The following PRKN variants were observed in gnomAD, a reference collection of about 807,000 sequenced individuals.
PRKN encodes the protein E3 ubiquitin-protein ligase parkin.
A neutral mutation model predicts 59.5 loss-of-function variants in PRKN; 56 were observed. That is an observed-to-expected ratio of 0.94 (90% CI 0.76 to 1.18). The LOEUF (loss-of-function observed/expected upper bound fraction) is 1.18, where lower values mean the gene tolerates loss of function less well. Among genes scored for constraint, PRKN ranks in the 50% most tolerant of loss-of-function variants. PRKN has a pLI of 0.00. For missense variants in PRKN, 657 were observed against 596.4 expected, an observed-to-expected ratio of 1.10 and a Z score of -1.06; for synonymous variants, 250 against 222.1, an observed-to-expected ratio of 1.13 and a Z score of -1.12.
chr6:161,383,099 C>T (rs769047577), intron 10 of PRKN, among the ~76,000 whole-genome samples: 4 of 152,200 alleles, frequency 2.6e-5, no homozygotes, highest in Non-Finnish European at 5.9e-5. Flanking sequence ...TGCAATTGGG[C>T]TTTCATTGTG....
chr6:161,601,828 C>T (rs1782117984), intron 7 of PRKN, among the ~76,000 whole-genome samples: 1 of 152,084 alleles, frequency 6.6e-6, no homozygotes, highest in Non-Finnish European at 1.5e-5. Context: ...GTGATCCGCC[C>T]ACCTCGGCCT....
intron 9 of PRKN, among the ~76,000 whole-genome samples, chr6:161,404,693 T>C (rs1199093861): frequency 3.3e-5 from 5 of 152,212 alleles, no homozygotes; most frequent in Non-Finnish European, 7.3e-5. Context: ...GGAAAATTTA[T>C]CATGGTGTAT....
intron 5 of PRKN, among the ~76,000 whole-genome samples, chr6:162,041,687 G>A (rs1784074126): frequency 6.6e-6 from 1 of 152,310 alleles, no homozygotes; most frequent in East Asian, 1.9e-4. Context: ...CTAACCCATA[G>A]TTCTCAGTAT....
chr6:161,402,796 G>T lies in PRKN; in HGVS notation c.1084-15919C>A, dbSNP rs1228019635. ...GAGAGGAATTGTATGGTGAATAAAG[G>T]TTGTCTTATTATGTAGATAAACAAT... On this transcript the variant is annotated intron_variant, in intron 9 of 11. Transcript: ENST00000366898. The surrounding 1 kb of genome is among the most constrained non-coding windows in gnomAD (Gnocchi z 4.5). Among the ~76,000 whole-genome samples, 2 of 152,020 alleles carry T rather than the reference G, an allele frequency of 1.3e-5. No individual in the cohort carries two copies. Among genetic ancestry groups the T allele is most frequent in the Non-Finnish European group, 2.9e-5 (2 of 68,000 alleles).
chr6:161,621,922 C>T (rs1782916595), intron 7 of PRKN, among the ~76,000 whole-genome samples: 2 of 152,166 alleles, frequency 1.3e-5, no homozygotes, highest in South Asian at 4.1e-4. Context: ...AAAAAAGTCA[C>T]TTCTTAATTT....
rs552299718 is a variant in PRKN at position 162,275,834 on chromosome 6, C to T, written c.172-13069G>A. 1.3e-4 allele frequency among the ~76,000 whole-genome samples: 19 copies of T among 151,776 alleles called. No individual in the cohort carries two copies. In the South Asian group the frequency reaches 3.8e-3, roughly 30 times the overall value. On this transcript the variant is annotated intron_variant, in intron 2 of 11. Transcript: ENST00000366898. ...ACACACACATATTAATGATGTCCAT[C>T]GATTGTACTTATTATTTTGATTGGT...
intron 6 of PRKN, among the ~76,000 whole-genome samples, chr6:161,915,317 T>C (rs1271194467): frequency 6.6e-6 from 1 of 152,090 alleles, no homozygotes; most frequent in Non-Finnish European, 1.5e-5. Context: ...TCTTTTCAAG[T>C]TTATCGATTA....
chr6:162,473,742 C>T (rs62430741), intron 1 of PRKN, among the ~76,000 whole-genome samples: 15 of 152,024 alleles, frequency 9.9e-5, no homozygotes, highest in Admixed American at 4.6e-4. Flanking sequence ...ATGTGGCTAA[C>T]GGCTACTATA....
chr6:161,359,670 T>C lies in PRKN; in HGVS notation c.1285+418A>G, dbSNP rs1784901451. Among the ~76,000 whole-genome samples, 1 of 152,114 alleles carries C rather than the reference T, an allele frequency of 6.6e-6. No individual in the cohort carries two copies. The highest frequency in any genetic ancestry group is 1.5e-5 in the Non-Finnish European group (1 of 68,014). Reference sequence around the variant, plus strand: ...TAGACGAGGGTTTAATTTTGAATAATGTTGCAAAGCTGGGGAAGGCTACAG... The same window carrying C: ...TAGACGAGGGTTTAATTTTGAATAACGTTGCAAAGCTGGGGAAGGCTACAG... On this transcript the variant is annotated intron_variant, in intron 11 of 11. Coordinates refer to ENST00000366898, the MANE Select transcript of PRKN (RefSeq NM_004562.3). The surrounding 1 kb of genome is among the most constrained non-coding windows in gnomAD (Gnocchi z 5.4).
At chr6:162,174,546 A>AAC (rs71739909) in intron 4 of PRKN, among the ~76,000 whole-genome samples, 134,739 of 152,106 alleles carry the variant, frequency 0.89, 60,614 homozygotes, top group Non-Finnish European at 0.97. Context: ...AATGATATGA[A>AAC]ACACAGTATT....
At position 161,461,960 on chromosome 6, in the gene PRKN, G is replaced by A. The variant is rs959324901; in HGVS notation, c.1084-75083C>T. ...GATGGTCACCTTGAAAATAACAGCG[G>A]TTAAAGGGCAGGTGGAAGACTAGCT... On this transcript the variant is annotated intron_variant, in intron 9 of 11. Coordinates refer to ENST00000366898, the MANE Select transcript of PRKN (RefSeq NM_004562.3). The surrounding 1 kb of genome is among the most constrained non-coding windows in gnomAD (Gnocchi z 5.1). 2.0e-5 allele frequency among the ~76,000 whole-genome samples: 3 copies of A among 152,106 alleles called. No homozygotes were observed. The highest frequency in any genetic ancestry group is 2.9e-5 in the Non-Finnish European group (2 of 68,024).
chr6:162,615,443 A>G (rs1392667305), intron 1 of PRKN, among the ~76,000 whole-genome samples: 3 of 56,154 alleles, frequency 5.3e-5, no homozygotes, highest in African/African-American at 2.0e-4. Context: ...TTTCCATGAG[A>G]TGGATTTTTT....
intron 1 of PRKN, among the ~76,000 whole-genome samples, chr6:162,637,584 G>T (rs960783919): frequency 2.0e-5 from 3 of 152,024 alleles, no homozygotes; most frequent in Non-Finnish European, 2.9e-5. Context: ...TATCCACACA[G>T]AATTTCTAGC....
At chr6:162,247,767 T>G (rs908475091) in intron 3 of PRKN, among the ~76,000 whole-genome samples, 2 of 152,124 alleles carry the variant, frequency 1.3e-5, no homozygotes, top group Non-Finnish European at 2.9e-5. Flanking sequence ...AAAATAAAAA[T>G]CTACAATTAT....
At chr6:162,338,832 C>T in intron 2 of PRKN, among the ~76,000 whole-genome samples, 1 of 151,066 alleles carries the variant, frequency 6.6e-6, no homozygotes, top group Non-Finnish European at 1.5e-5. Context: ...GCCACCATCA[C>T]ATCTAGGAAG....
chr6:162,285,232 G>A lies in PRKN; in HGVS notation c.172-22467C>T, dbSNP rs189216734. ...TCCCTCTCGAATTCTATAGCAGCAG[G>A]CATGTATCAGGGATCTTCACAGATA... On this transcript the variant is annotated intron_variant, in intron 2 of 11. Transcript: ENST00000366898. Among the ~76,000 whole-genome samples the A allele has an allele frequency of 3.7e-3, 553 of 150,396 alleles. 4 individuals are homozygous for A. The highest frequency in any genetic ancestry group is 0.012 in the African/African-American group (496 of 40,764).
intron 5 of PRKN, among the ~76,000 whole-genome samples, chr6:162,044,217 C>G (rs986237895): frequency 3.3e-5 from 5 of 152,332 alleles, no homozygotes; most frequent in African/African-American, 1.2e-4. Context: ...TTCGCAACTG[C>G]TGTCTCAGCC....
At chr6:161,559,296 G>A (rs1196450387) in intron 8 of PRKN, among the ~76,000 whole-genome samples, 4 of 152,156 alleles carry the variant, frequency 2.6e-5, no homozygotes, top group African/African-American at 4.8e-5. Flanking sequence ...CCTTTCAGGG[G>A]AGGGCTACAA....
chr6:162,642,107 TAGTCCTAA>T (rs1777986968), intron 1 of PRKN, among the ~76,000 whole-genome samples: 1 of 152,156 alleles, frequency 6.6e-6, no homozygotes, highest in Non-Finnish European at 1.5e-5. Flanking sequence ...GTGATAACAG[TAGTCCTAA>T]TTTTTAGCAG....
Sources: gnomAD v4.1 joint callset for allele counts (sites outside exome capture counted in the v4.1 genomes callset) on GRCh38, gnomAD v4.1.1 for gene constraint, Gnocchi (gnomAD v3.1) non-coding constraint, MANE v1.5 for transcripts, NCBI Gene and HGNC (gene_info 2026-07-23, HGNC 2026-07-21) for gene names.